Variants in RPA1 observed in about 807,000 individuals in gnomAD.
RPA1 encodes the protein replication protein A1.
In RPA1, 49 loss-of-function variants were observed where a neutral mutation model predicts 83.0. The ratio of observed to expected loss-of-function variants is 0.59; its 90% confidence interval spans 0.47 to 0.75. The LOEUF is 0.75. RPA1 is among the 30% of genes least tolerant of loss of function. The probability of loss-of-function intolerance (pLI) is 0.00; values close to 1 mark genes in which losing one functional copy is unlikely to be tolerated. For missense variants in RPA1, 693 were observed against 776.1 expected (o/e 0.89, Z 1.27); for synonymous variants, 279 against 281.8 (o/e 0.99, Z 0.10).
intron 1 of RPA1, among the ~76,000 whole-genome samples, chr17:1,833,077 C>T (rs146452736): frequency 1.2e-3 from 180 of 152,218 alleles, no homozygotes; most frequent in African/African-American, 3.7e-3. Flanking sequence ...CAGGTGCCCA[C>T]CACCACACCC....
chr17:1,880,404 T>G, intron 11 of RPA1, 139 bp from the exon 12 acceptor site: 2 of 786,750 alleles, frequency 2.5e-6, no homozygotes, highest in Non-Finnish European at 4.0e-6. Flanking sequence ...GATTCTCATG[T>G]GTGAGGTCTG....
chr17:1,862,144 A>T (rs1476759442), intron 5 of RPA1, among the ~76,000 whole-genome samples: 1 of 150,082 alleles, frequency 6.7e-6, no homozygotes. Context: ...TGCCCGCCTC[A>T]GCCTCCCAAA....
chr17:1,831,526 A>G (rs1431354638), intron 1 of RPA1, among the ~76,000 whole-genome samples: 1 of 139,924 alleles, frequency 7.1e-6, no homozygotes, highest in Non-Finnish European at 1.5e-5. Flanking sequence ...CTCTCCAGTC[A>G]CCCCCACATT....
chr17:1,892,009 AC>A, intron 15 of RPA1, 69 bp downstream of exon 15: 1 of 1,090,446 alleles, frequency 9.2e-7, no homozygotes, highest in Non-Finnish European at 1.3e-6. Flanking sequence ...CTGACCCCAC[AC>A]ATTTTTTTTT....
intron 5 of RPA1, among the ~76,000 whole-genome samples, chr17:1,861,611 C>T (rs1382150327): frequency 6.6e-6 from 1 of 152,210 alleles, no homozygotes; most frequent in Non-Finnish European, 1.5e-5. Flanking sequence ...TGTTTCTTCT[C>T]TGTTTGTCTC....
In RPA1 at chr17:1,880,540, C is replaced by T; in HGVS notation, c.1093-3C>T. On this transcript the variant is annotated splice_polypyrimidine_tract_variant and splice_region_variant and intron_variant, in intron 11 of 16. Coordinates refer to ENST00000254719, the MANE Select transcript of RPA1 (RefSeq NM_002945.5). ...TTGTATATGTCTGGTGTTTCTTTTACAGGCTGATAAATTTGATGGTTCTAG... is the reference window on the plus strand; with the variant it reads ...TTGTATATGTCTGGTGTTTCTTTTATAGGCTGATAAATTTGATGGTTCTAG... 6.2e-7 allele frequency: 1 copy of T among 1,612,976 alleles called. No homozygotes were observed. The highest frequency in any genetic ancestry group is 1.3e-5 in the African/African-American group (1 of 74,976).
intron 1 of RPA1, among the ~76,000 whole-genome samples, chr17:1,832,995 C>T (rs11656726): frequency 0.21 from 31,187 of 151,996 alleles, 3,372 homozygotes; most frequent in Admixed American, 0.24. Context: ...GGCACATTCT[C>T]GGCTCACTGC....
chr17:1,849,402 C>T (rs560188096), intron 4 of RPA1, among the ~76,000 whole-genome samples: 11 of 149,134 alleles, frequency 7.4e-5, no homozygotes, highest in Admixed American at 3.4e-4. Flanking sequence ...ACGCCATTCT[C>T]CTGCCTCAGC....
At position 1,897,260 on chromosome 17, in the gene RPA1, T is replaced by C. The variant is rs1223128078; in HGVS notation, c.*85T>C. The C allele has an allele frequency of 9.7e-6, 10 of 1,033,242 alleles. No individual in the cohort carries two copies. In the East Asian group the frequency reaches 2.1e-4, roughly 22 times the overall value. 64.0% of individuals were successfully genotyped at this position (1,033,242 alleles called of 1,614,324 possible). A position where few individuals can be genotyped will look rare whatever the true frequency, so the allele number is the denominator to read the frequency against. Reference sequence around the variant, plus strand: ...CCACCTCCGTGTGACGATCCCATGTTAGCTACACAGTGCAGAGGCTCTTGA... The same window carrying C: ...CCACCTCCGTGTGACGATCCCATGTCAGCTACACAGTGCAGAGGCTCTTGA... On this transcript the variant is annotated 3_prime_UTR_variant, in exon 17 of 17. Coordinates refer to ENST00000254719, the MANE Select transcript of RPA1 (RefSeq NM_002945.5).
intron 12 of RPA1, among the ~76,000 whole-genome samples, chr17:1,882,072 A>G (rs1913819947): frequency 6.6e-6 from 1 of 152,212 alleles, no homozygotes; most frequent in South Asian, 2.1e-4. Context: ...CCATTCTGTT[A>G]GATGGTCTCT....
At chr17:1,852,258 A>G (rs1912523091) in intron 4 of RPA1, among the ~76,000 whole-genome samples, 1 of 152,216 alleles carries the variant, frequency 6.6e-6, no homozygotes, top group Middle Eastern at 3.2e-3. Flanking sequence ...AGAATAATAA[A>G]ATAATCACTA....
chr17:1,894,492 G>A (rs1914323458), intron 15 of RPA1, among the ~76,000 whole-genome samples: 1 of 152,168 alleles, frequency 6.6e-6, no homozygotes, highest in Non-Finnish European at 1.5e-5. Context: ...CTTCCTAAGA[G>A]CGTTTTTAAT....
At position 1,861,423 on chromosome 17, in the gene RPA1, G is replaced by C. The variant is rs538805457; in HGVS notation, c.361+8234G>C. On this transcript the variant is annotated intron_variant, in intron 5 of 16. Coordinates refer to ENST00000254719, the MANE Select transcript of RPA1 (RefSeq NM_002945.5). ...TTCTCCCTTTCTGGTGGGGGGAGGG[G>C]GTTATGTTAGGTGTTAGGGTGAACC... 3.3e-5 allele frequency among the ~76,000 whole-genome samples: 5 copies of C among 152,224 alleles called. No individual in the cohort carries two copies. The East Asian group carries it at 9.6e-4, about 29-fold the overall frequency.
chr17:1,856,827 TA>T (rs1912718212), intron 5 of RPA1, among the ~76,000 whole-genome samples: 1 of 151,836 alleles, frequency 6.6e-6, no homozygotes. Context: ...ATATATTATA[TA>T]ACATACATAT....
intron 1 of RPA1, among the ~76,000 whole-genome samples, chr17:1,837,659 A>T (rs527586481): frequency 6.6e-6 from 1 of 151,918 alleles, no homozygotes; most frequent in East Asian, 1.9e-4. Flanking sequence ...TTTTATTTGT[A>T]TTTCTCTGGT....
At chr17:1,855,109 GCTGATGAT>G (rs1259671571) in intron 5 of RPA1, among the ~76,000 whole-genome samples, 1 of 152,080 alleles carries the variant, frequency 6.6e-6, no homozygotes, top group Admixed American at 6.6e-5. Context: ...TTCTGTGCTT[GCTGATGAT>G]CTGATGATCA....
At chr17:1,831,219 C>T (rs1760572723) in intron 1 of RPA1, among the ~76,000 whole-genome samples, 1 of 152,160 alleles carries the variant, frequency 6.6e-6, no homozygotes, top group African/African-American at 2.4e-5. Flanking sequence ...TATCCCAAAG[C>T]AAATTCTTTA....
At chr17:1,861,014 T>C (rs566521999) in intron 5 of RPA1, among the ~76,000 whole-genome samples, 1 of 152,242 alleles carries the variant, frequency 6.6e-6, no homozygotes, top group East Asian at 1.9e-4. Context: ...GAATATGAAT[T>C]TTTCCCATCT....
chr17:1,892,379 C>T (rs1914236744), intron 15 of RPA1, among the ~76,000 whole-genome samples: 1 of 152,196 alleles, frequency 6.6e-6, no homozygotes, highest in Non-Finnish European at 1.5e-5. Flanking sequence ...TACAGTTTCT[C>T]AGCCTGATAA....
Sources: gnomAD v4.1 joint callset for allele counts (sites outside exome capture counted in the v4.1 genomes callset) on GRCh38, gnomAD v4.1.1 for gene constraint, MANE v1.5 for transcripts, NCBI Gene and HGNC (gene_info 2026-07-23, HGNC 2026-07-21) for gene names.